The following P4HA3 variants were observed in gnomAD, a reference collection of about 807,000 sequenced individuals.
P4HA3 encodes prolyl 4-hydroxylase subunit alpha-3.
A neutral mutation model predicts 66.7 loss-of-function variants in P4HA3; 60 were observed. The ratio of observed to expected loss-of-function variants is 0.90; its 90% confidence interval spans 0.73 to 1.12. The LOEUF is 1.12. Ranked by LOEUF, P4HA3 falls within the 50% of genes most tolerant of loss-of-function variation. P4HA3 has a pLI of 0.00. For missense variants in P4HA3, 683 were observed against 685.8 expected (o/e 1.00, Z 0.05); for synonymous variants, 263 against 274.6 (o/e 0.96, Z 0.42).
intron 15 of P4HA3, chr11:74,252,462 A>G (rs569196183): frequency 2.2e-6 from 1 of 456,166 alleles, no homozygotes; most frequent in South Asian, 1.6e-5. Context: ...CAAGCTGGGA[A>G]TGGAATGGGT....
chr11:74,268,248 C>T lies in P4HA3; in HGVS notation c.1468-7G>A, dbSNP rs568507056. 6.3e-5 allele frequency: 102 copies of T among 1,611,738 alleles called. No individual in the cohort carries two copies. In the East Asian group the frequency reaches 2.2e-3, roughly 34 times the overall value. ...ACCAAAACAGTGCTGCATTCTGAAA[C>T]AAGAGGGCCCAGCCCCAGGGAGGGT... On this transcript the variant is annotated splice_polypyrimidine_tract_variant and splice_region_variant and intron_variant, in intron 11 of 12. Coordinates refer to ENST00000331597, the MANE Select transcript of P4HA3 (RefSeq NM_182904.5).
In P4HA3 at chr11:74,266,975, T is replaced by G. The variant is rs950828368; in HGVS notation, c.*273A>C. 25 of 1,442,448 alleles carry G rather than the reference T, an allele frequency of 1.7e-5. No individual in the cohort carries two copies. The highest frequency in any genetic ancestry group is 1.9e-5 in the Non-Finnish European group (21 of 1,085,158). 89.4% of individuals were successfully genotyped at this position (1,442,448 alleles called of 1,614,324 possible). A position where few individuals can be genotyped will look rare whatever the true frequency, so the allele number is the denominator to read the frequency against. ...TGTCCTGTTCCCAACAGAGAGTATC[T>G]GAACTCCAGAAACTTCCCTCTCAGG... is the stretch of plus-strand genomic sequence containing the variant. On this transcript the variant is annotated 3_prime_UTR_variant, in exon 13 of 13. Coordinates refer to ENST00000331597, the MANE Select transcript of P4HA3 (RefSeq NM_182904.5).
intron 15 of P4HA3, among the ~76,000 whole-genome samples, chr11:74,256,343 G>C (rs1859830264): frequency 6.6e-6 from 1 of 152,216 alleles, no homozygotes; most frequent in South Asian, 2.1e-4. Flanking sequence ...TTTGTGGTTG[G>C]TTGTGTTTTA....
intron 3 of P4HA3, among the ~76,000 whole-genome samples, chr11:74,298,624 A>G (rs1285103394): frequency 6.6e-6 from 1 of 152,238 alleles, no homozygotes; most frequent in Non-Finnish European, 1.5e-5. Flanking sequence ...TTGGGACAGA[A>G]TATCATGAGT....
chr11:74,279,636 C>T (rs974592464), intron 7 of P4HA3, among the ~76,000 whole-genome samples, 184 bp from the exon 8 acceptor site: 1 of 152,200 alleles, frequency 6.6e-6, no homozygotes, highest in Non-Finnish European at 1.5e-5. Context: ...AATAAAAGAT[C>T]ATAAGTGACC....
At position 74,311,513 on chromosome 11, in the gene P4HA3, C is replaced by A. The variant is rs1861749736; in HGVS notation, c.99G>T (p.Ala33=). 11 of 1,539,444 alleles carry A rather than the reference C, an allele frequency of 7.1e-6. No individual in the cohort carries two copies. Among genetic ancestry groups the A allele is most frequent in the Admixed American group, 1.9e-5 (1 of 52,072 alleles). The part of the protein sequence containing the change: ...RAAARGDTFS[A]LTSVARALAP... ...CCAGGGCGCGCGCCACGCTGGTCAG[C>A]GCCGAGAACGTGTCGCCCCGAGCCG... The change falls in exon 1 of 13, where the codon GCG becomes GCT. Residue 33 remains alanine, a synonymous_variant. Transcript: ENST00000331597.
intron 15 of P4HA3, chr11:74,253,703 C>G: frequency 1.5e-6 from 1 of 650,842 alleles, no homozygotes; most frequent in Non-Finnish European, 2.7e-6. Flanking sequence ...GGCCCTTGAC[C>G]AACATCGGCT....
chr11:74,279,800 C>G (rs540912333), intron 7 of P4HA3, among the ~76,000 whole-genome samples: 3 of 152,128 alleles, frequency 2.0e-5, no homozygotes, highest in African/African-American at 7.2e-5. Context: ...ATTTCTCATT[C>G]GTCTTTGTTT....
intron 15 of P4HA3, among the ~76,000 whole-genome samples, chr11:74,257,461 A>G (rs1050582440): frequency 1.3e-5 from 2 of 152,092 alleles, no homozygotes; most frequent in African/African-American, 2.4e-5. Flanking sequence ...GAAGTATCAC[A>G]AAGTGGAGGT....
intron 3 of P4HA3, among the ~76,000 whole-genome samples, chr11:74,302,013 G>A (rs891020049): frequency 7.2e-5 from 11 of 152,044 alleles, no homozygotes; most frequent in Admixed American, 2.0e-4. Flanking sequence ...TATAGTTAGG[G>A]TGAACAAAGG....
chr11:74,306,117 G>A lies in P4HA3; in HGVS notation c.201-1705C>T, dbSNP rs1861573602. Among the ~76,000 whole-genome samples the A allele has an allele frequency of 2.0e-5, 3 of 152,190 alleles. No individual in the cohort carries two copies. In the South Asian group the frequency reaches 6.2e-4, roughly 32 times the overall value. ...ACAAGACAAGGAGACTCTGAACCAC[G>A]ACAGCGATGGAGAATGGACTGGGTT... On this transcript the variant is annotated intron_variant, in intron 1 of 12. Transcript: ENST00000331597.
intron 4 of P4HA3, among the ~76,000 whole-genome samples, chr11:74,297,358 A>T (rs1183319815): frequency 2.0e-5 from 3 of 152,162 alleles, no homozygotes; most frequent in Non-Finnish European, 4.4e-5. Flanking sequence ...GCAGCAACAC[A>T]TGGGTTTGGA....
chr11:74,291,524 C>G (rs368229149), intron 4 of P4HA3, among the ~76,000 whole-genome samples: 1 of 152,060 alleles, frequency 6.6e-6, no homozygotes, highest in Non-Finnish European at 1.5e-5. Flanking sequence ...GTCTTGTACC[C>G]GTTTTCAAAG....
chr11:74,272,996 G>C (rs1860258767), intron 10 of P4HA3, among the ~76,000 whole-genome samples: 1 of 152,146 alleles, frequency 6.6e-6, no homozygotes, highest in African/African-American at 2.4e-5. Context: ...ATCTTGAAAG[G>C]GGAGTCATGG....
chr11:74,308,621 T>C (rs1489015711), intron 1 of P4HA3, among the ~76,000 whole-genome samples: 1 of 152,150 alleles, frequency 6.6e-6, no homozygotes. Flanking sequence ...AATATCAAAC[T>C]AAACTACAAA....
intron 5 of P4HA3, chr11:74,287,412 A>C: frequency 9.6e-7 from 1 of 1,040,018 alleles, no homozygotes; most frequent in African/African-American, 1.7e-5. Flanking sequence ...CAAAGCCGGA[A>C]ATAAAACTGG....
Position 74,251,090 on chromosome 11 carries a change from T to C in P4HA3, c.*1319-3089A>G, listed in dbSNP as rs536764751. The C allele has an allele frequency of 3.9e-6, 6 of 1,542,882 alleles. No individual in the cohort carries two copies. In the South Asian group the frequency reaches 4.8e-5, roughly 12 times the overall value. On this transcript the variant is annotated intron_variant and NMD_transcript_variant, in intron 15 of 15. Transcript: ENST00000524388. The stretch of plus-strand genomic sequence containing the variant: ...CCCTGGATGTCACAGAAGACAAGTC[T>C]CTGAGTCTCAGCCTGCATTGCCTGC...
downstream of P4HA3, among the ~76,000 whole-genome samples, chr11:74,266,216 G>C (rs1030190131): frequency 6.6e-6 from 1 of 152,124 alleles, no homozygotes; most frequent in African/African-American, 2.4e-5. Context: ...GCTGCACCGA[G>C]ATTACAGCAT....
At chr11:74,269,533 G>T in intron 11 of P4HA3, 119 bp downstream of exon 11, 1 of 995,110 alleles carries the variant, frequency 1.0e-6, no homozygotes, top group East Asian at 2.6e-5. Context: ...GGGAATTGGG[G>T]AAGACCTCTT....
Sources: gnomAD v4.1 joint callset for allele counts (sites outside exome capture counted in the v4.1 genomes callset) on GRCh38, gnomAD v4.1.1 for gene constraint, MANE v1.5 for transcripts, NCBI Gene and HGNC (gene_info 2026-07-23, HGNC 2026-07-21) for gene names.